ORMDL1: variants seen among roughly 807,000 people sequenced by gnomAD.
ORMDL1 encodes the protein ORM1-like protein 1.
A neutral mutation model predicts 13.0 loss-of-function variants in ORMDL1; 10 were observed. The observed-to-expected ratio is 0.77, with a 90% CI of 0.47 to 1.30. The LOEUF (loss-of-function observed/expected upper bound fraction) is 1.30, where lower values mean the gene tolerates loss of function less well. ORMDL1 is among the 50% of genes most tolerant of loss of function. The probability of loss-of-function intolerance (pLI) is 0.00; values close to 1 mark genes in which losing one functional copy is unlikely to be tolerated. For synonymous variants in ORMDL1, 61 were observed against 63.9 expected (o/e 0.95, Z 0.22); for missense variants, 171 against 186.7 (o/e 0.92, Z 0.49).
chr2:189,764,753 T>C, the ORMDL1 span: 20 of 152,100 alleles, frequency 1.3e-4, no homozygotes, highest in Admixed American at 7.2e-4. Context: ...TGGTCTCAGA[T>C]ATTGTGTGTC....
At position 189,770,713 on chromosome 2, in the gene ORMDL1, T is replaced by G. The variant is rs1445346300; in HGVS notation, c.*1054A>C. 1 of 152,160 alleles carries G rather than the reference T, an allele frequency of 6.6e-6. No homozygotes were observed. Among genetic ancestry groups the G allele is most frequent in the Non-Finnish European group, 1.5e-5 (1 of 68,024 alleles). The allele number at this position is 152,160 out of a possible 1,614,324, so 9.4% of individuals were successfully genotyped here. On this transcript the variant is annotated 3_prime_UTR_variant, in exon 5 of 5. Transcript: ENST00000392349. ...GTTGCTGTTCTGGAGACAGTTACCA[T>G]TTTGGGCTATATATACTAAAACCCA...
chr2:189,775,386 T>C, intron 4 of ORMDL1, 179 bp downstream of exon 4: 4 of 622,710 alleles, frequency 6.4e-6, no homozygotes, highest in Non-Finnish European at 1.1e-5. Context: ...CTGACTGAAG[T>C]GAAAATTAGT....
At chr2:189,768,041 CAACAT>C (rs2047511680), downstream of ORMDL1, among the ~76,000 whole-genome samples, 1 of 152,190 alleles carries the variant, frequency 6.6e-6, no homozygotes, top group East Asian at 1.9e-4. Flanking sequence ...TTTTTAAACC[CAACAT>C]AACAAACTAC....
intron 3 of ORMDL1, among the ~76,000 whole-genome samples, chr2:189,779,684 C>T (rs901545126): frequency 6.6e-6 from 1 of 152,166 alleles, no homozygotes; most frequent in African/African-American, 2.4e-5. Flanking sequence ...ATTTTTAAAA[C>T]ATCACTCTGC....
rs571411359 is a variant in ORMDL1 at position 189,776,120 on chromosome 2, A to G, written c.175-404T>C. On this transcript the variant is annotated intron_variant, in intron 3 of 4. Coordinates refer to ENST00000392349, the MANE Select transcript of ORMDL1 (RefSeq NM_016467.5). ...TAAATTTGATGATACTTAAAAAATG[A>G]TAAAGACATACAAAGTGGTAGAAAA... Among the ~76,000 whole-genome samples, 7 of 152,338 alleles carry G rather than the reference A, an allele frequency of 4.6e-5. No homozygotes were observed. In the South Asian group the frequency reaches 1.4e-3, roughly 32 times the overall value.
chr2:189,775,145 AC>A, intron 4 of ORMDL1: 1 of 153,758 alleles, frequency 6.5e-6, no homozygotes, highest in Non-Finnish European at 1.4e-5. Context: ...TCGAAACCAT[AC>A]TCTTTCCCAA....
intron 4 of ORMDL1, among the ~76,000 whole-genome samples, chr2:189,773,413 C>A (rs2047622799): frequency 6.6e-6 from 1 of 152,128 alleles, no homozygotes; most frequent in African/African-American, 2.4e-5. Flanking sequence ...CAAGGTAATG[C>A]ATTTGAGTCT....
chr2:189,780,642 A>G (rs1274436596), intron 3 of ORMDL1, among the ~76,000 whole-genome samples: 1 of 152,202 alleles, frequency 6.6e-6, no homozygotes, highest in African/African-American at 2.4e-5. Context: ...TAAGAGAGGA[A>G]AAGAGAAGGA....
At chr2:189,778,845 AGATT>A (rs1238883350) in intron 3 of ORMDL1, among the ~76,000 whole-genome samples, 3 of 152,062 alleles carry the variant, frequency 2.0e-5, no homozygotes, top group Non-Finnish European at 4.4e-5. Flanking sequence ...CAGTGAGCCA[AGATT>A]GCGCCACTGC....
At chr2:189,774,226 C>T (rs1437773122) in intron 4 of ORMDL1, among the ~76,000 whole-genome samples, 1 of 152,160 alleles carries the variant, frequency 6.6e-6, no homozygotes, top group Non-Finnish European at 1.5e-5. Flanking sequence ...AGTGTGACTA[C>T]AGCTCACTGC....
rs990436538 is a variant in ORMDL1 at position 189,770,723 on chromosome 2, T to A, written c.*1044A>T. ...TGGAGACAGTTACCATTTTGGGCTA[T>A]ATATACTAAAACCCACGTATTCAAA... On this transcript the variant is annotated 3_prime_UTR_variant, in exon 5 of 5. Coordinates refer to ENST00000392349, the MANE Select transcript of ORMDL1 (RefSeq NM_016467.5). 12 of 152,160 alleles carry A rather than the reference T, an allele frequency of 7.9e-5. No individual in the cohort carries two copies. The highest frequency in any genetic ancestry group is 2.7e-4 in the African/African-American group (11 of 41,432). The allele number at this position is 152,160 out of a possible 1,614,324, so 9.4% of individuals were successfully genotyped here.
At chr2:189,779,298 G>A (rs2047769501) in intron 3 of ORMDL1, among the ~76,000 whole-genome samples, 1 of 152,160 alleles carries the variant, frequency 6.6e-6, no homozygotes, top group South Asian at 2.1e-4. Flanking sequence ...GCAACATAGT[G>A]AGAGCCTATC....
intron 3 of ORMDL1, among the ~76,000 whole-genome samples, chr2:189,779,522 C>A (rs1287688646): frequency 6.6e-6 from 1 of 152,144 alleles, no homozygotes; most frequent in Non-Finnish European, 1.5e-5. Context: ...TAGTGTATAG[C>A]CTCTATTTAG....
chr2:189,767,244 T>A (rs1261775116), downstream of ORMDL1, among the ~76,000 whole-genome samples: 1 of 152,228 alleles, frequency 6.6e-6, no homozygotes, highest in East Asian at 1.9e-4. Flanking sequence ...CGAGTCTCTG[T>A]TATTCCCACA....
intron 3 of ORMDL1, among the ~76,000 whole-genome samples, chr2:189,777,980 CTAAT>C (rs1425896750): frequency 1.3e-5 from 2 of 152,272 alleles, no homozygotes; most frequent in Admixed American, 1.3e-4. Flanking sequence ...ACTCCGATGG[CTAAT>C]TAAGTTTTTA....
chr2:189,764,177 AAAG>A, the ORMDL1 span: 1 of 152,230 alleles, frequency 6.6e-6, no homozygotes. Flanking sequence ...ACAAGGGAAA[AAAG>A]AAAAATTAAA....
intron 4 of ORMDL1, 62 bp downstream of exon 4, chr2:189,775,502 CT>C: frequency 6.9e-7 from 1 of 1,455,856 alleles, no homozygotes; most frequent in African/African-American, 1.4e-5. Context: ...CCAATTCAAT[CT>C]GATGAAAAGA....
Position 189,782,578 on chromosome 2 carries a change from G to T in ORMDL1, c.18C>A (p.Ala6=). Residue 6 remains alanine (A), a synonymous_variant, in exon 3 of 5, where the codon GCC becomes GCA. Transcript: ENST00000392349. MNVGV[A]HSEVNPNTRV... ...GGGTATTTGGATTCACTTCACTGTG[G>T]GCAACTCCAACGTTCATGTTTGCTC... The T allele has an allele frequency of 1.2e-6, 2 of 1,613,954 alleles. No individual in the cohort carries two copies. The highest frequency in any genetic ancestry group is 1.7e-6 in the Non-Finnish European group (2 of 1,179,930).
downstream of ORMDL1, among the ~76,000 whole-genome samples, chr2:189,766,015 C>T (rs924554040): frequency 4.0e-5 from 6 of 151,610 alleles, no homozygotes; most frequent in African/African-American, 9.7e-5. Flanking sequence ...TTAGTAGAGA[C>T]GGGGTTTCAC....
Sources: allele counts gnomAD v4.1 joint callset (sites outside exome capture counted in the v4.1 genomes callset), GRCh38; gene constraint gnomAD v4.1.1; transcripts MANE v1.5; gene names NCBI Gene and HGNC (gene_info 2026-07-23, HGNC 2026-07-21).